NRXN3: variants seen among roughly 807,000 people sequenced by gnomAD.
The protein encoded by NRXN3 is neurexin 3, also known as neurexin III.
A neutral mutation model predicts 137.6 loss-of-function variants in NRXN3; 32 were observed. The observed-to-expected ratio is 0.23, with a 90% CI of 0.18 to 0.31. NRXN3 has a LOEUF of 0.31. Ranked by LOEUF, NRXN3 falls within the 10% of genes least tolerant of loss-of-function variation. NRXN3 has a pLI of 1.00. For synonymous variants in NRXN3, 798 were observed against 784.5 expected (o/e 1.02, Z -0.29); for missense variants, 1,574 against 2,062.5 (o/e 0.76, Z 4.59).
At chr14:79,622,665 C>T (rs150682396) in intron 16 of NRXN3, among the ~76,000 whole-genome samples, 4,535 of 152,176 alleles carry the variant, frequency 0.03, 140 homozygotes, top group Middle Eastern at 0.061. Flanking sequence ...GGCGCAATCT[C>T]GGCTCACTGC....
intron 15 of NRXN3, among the ~76,000 whole-genome samples, chr14:79,425,262 G>A (rs1460677184): frequency 6.6e-6 from 1 of 152,180 alleles, no homozygotes; most frequent in Non-Finnish European, 1.5e-5. Flanking sequence ...CATCCAGAGA[G>A]CTAAGTTATA....
chr14:79,116,959 G>A (rs1450239328), intron 15 of NRXN3, among the ~76,000 whole-genome samples: 3 of 152,202 alleles, frequency 2.0e-5, no homozygotes, highest in Non-Finnish European at 4.4e-5. Flanking sequence ...CACATCTGGT[G>A]AGAATACTTA....
At chr14:78,774,333 T>G (rs2098738327) in intron 8 of NRXN3, among the ~76,000 whole-genome samples, 1 of 152,182 alleles carries the variant, frequency 6.6e-6, no homozygotes, top group South Asian at 2.1e-4. Context: ...GAATCTAATA[T>G]CCCAAGATAA....
chr14:79,274,518 G>T (rs1479172110), intron 15 of NRXN3, among the ~76,000 whole-genome samples: 1 of 152,008 alleles, frequency 6.6e-6, no homozygotes, highest in Non-Finnish European at 1.5e-5. Flanking sequence ...TCTAAGCTTA[G>T]TGGAGATCTG....
At chr14:78,747,413 G>A (rs919434768) in intron 8 of NRXN3, among the ~76,000 whole-genome samples, 1 of 151,988 alleles carries the variant, frequency 6.6e-6, no homozygotes, top group African/African-American at 2.4e-5. Context: ...ATAAGCTTTA[G>A]TGATCTGCTA....
At chr14:78,982,383 C>T (rs1397765469) in intron 14 of NRXN3, among the ~76,000 whole-genome samples, 1 of 152,070 alleles carries the variant, frequency 6.6e-6, no homozygotes, top group Non-Finnish European at 1.5e-5. Flanking sequence ...CCTTGAGAGG[C>T]TTACGGTCCA....
intron 15 of NRXN3, chr14:79,279,988 C>T: frequency 1.7e-6 from 2 of 1,178,958 alleles, no homozygotes; most frequent in East Asian, 5.0e-5. Context: ...GCCGGTCTTC[C>T]CCTGACATGC....
chr14:78,956,661 G>A (rs1333419726), intron 10 of NRXN3, among the ~76,000 whole-genome samples: 3 of 152,112 alleles, frequency 2.0e-5, no homozygotes, highest in African/African-American at 7.2e-5. Context: ...TTTATGATGG[G>A]GTTTAAAACT....
chr14:78,248,919 G>C (rs1164308038), intron 2 of NRXN3, among the ~76,000 whole-genome samples: 2 of 152,270 alleles, frequency 1.3e-5, no homozygotes, highest in East Asian at 3.9e-4. Context: ...CACCAGCCCA[G>C]CCAGCAGGGG....
intron 16 of NRXN3, among the ~76,000 whole-genome samples, chr14:79,625,435 A>C (rs2098271736): frequency 6.6e-6 from 1 of 152,184 alleles, no homozygotes. Flanking sequence ...AGACATCTCT[A>C]TGGGGTGCTT....
intron 15 of NRXN3, among the ~76,000 whole-genome samples, chr14:79,348,381 T>C (rs2093010076): frequency 6.7e-6 from 1 of 150,072 alleles, no homozygotes. Flanking sequence ...CTTCTCTCTT[T>C]TTTTTTTTTT....
At chr14:79,792,867 G>A (rs543523912) in intron 19 of NRXN3, among the ~76,000 whole-genome samples, 1 of 152,264 alleles carries the variant, frequency 6.6e-6, no homozygotes, top group African/African-American at 2.4e-5. Flanking sequence ...TCACTTCTGT[G>A]TATAAAAAGG....
chr14:79,534,371 A>T (rs979025803), intron 16 of NRXN3, among the ~76,000 whole-genome samples: 1 of 152,192 alleles, frequency 6.6e-6, no homozygotes, highest in Admixed American at 6.5e-5. Context: ...AAGACTGATA[A>T]TCCCATCAAC....
intron 1 of NRXN3, among the ~76,000 whole-genome samples, chr14:78,200,565 G>A (rs555898238): frequency 7.9e-5 from 12 of 152,326 alleles, no homozygotes; most frequent in Admixed American, 2.6e-4. Flanking sequence ...TGATGCACAT[G>A]GTTGAAAACC....
intron 15 of NRXN3, among the ~76,000 whole-genome samples, chr14:79,194,996 A>G (rs953163666): frequency 6.6e-5 from 10 of 151,366 alleles, no homozygotes; most frequent in African/African-American, 2.4e-4. Context: ...TCTGTTTTCC[A>G]CATTCCTTGT....
At chr14:79,366,472 C>G (rs1180453202) in intron 15 of NRXN3, among the ~76,000 whole-genome samples, 1 of 152,134 alleles carries the variant, frequency 6.6e-6, no homozygotes, top group East Asian at 1.9e-4. Flanking sequence ...CCCCAATACC[C>G]TTCCCAGCTT....
intron 4 of NRXN3, among the ~76,000 whole-genome samples, chr14:78,557,302 C>A (rs2096748137): frequency 6.6e-6 from 1 of 151,208 alleles, no homozygotes; most frequent in African/African-American, 2.4e-5. Flanking sequence ...AATCTTCCTG[C>A]CTTGGCCTCT....
chr14:78,282,122 A>G (rs964639973), intron 3 of NRXN3: 5 of 502,236 alleles, frequency 1.0e-5, no homozygotes, highest in African/African-American at 1.9e-5. Flanking sequence ...CATGTTACCC[A>G]TTTGTGGCCT....
chr14:78,215,842 T>C (rs907131169), intron 1 of NRXN3, among the ~76,000 whole-genome samples: 1 of 152,106 alleles, frequency 6.6e-6, no homozygotes, highest in Non-Finnish European at 1.5e-5. Context: ...TTCTGGGTTC[T>C]GAACTTTGAC....
Sources: gnomAD v4.1 joint callset for allele counts (sites outside exome capture counted in the v4.1 genomes callset) on GRCh38, gnomAD v4.1.1 for gene constraint, MANE v1.5 for transcripts, NCBI Gene and HGNC (gene_info 2026-07-23, HGNC 2026-07-21) for gene names.